The following LDAH variants were observed in gnomAD, a reference collection of about 807,000 sequenced individuals.
LDAH encodes lipid droplet-associated hydrolase.
Under a neutral mutation model 29.6 loss-of-function variants are expected in LDAH, and 26 were observed. The ratio of observed to expected loss-of-function variants is 0.88; its 90% CI spans 0.64 to 1.22. LDAH has a LOEUF of 1.22. LDAH is among the 50% of genes most tolerant of loss of function. The pLI, the probability that LDAH is intolerant of heterozygous loss-of-function variation, is 0.00. For synonymous variants in LDAH, 117 were observed against 133.0 expected (o/e 0.88, Z 0.83); for missense variants, 344 against 387.3 (o/e 0.89, Z 0.94).
chr2:20,685,657 T>G lies in LDAH; in HGVS notation c.*1246A>C. ...AATGATAATGCCATGAGGGATTTCCTCTAGGAGAAAAAGGAATATTTCTGA... is the reference window on the plus strand; with the variant it reads ...AATGATAATGCCATGAGGGATTTCCGCTAGGAGAAAAAGGAATATTTCTGA... On this transcript the variant is annotated 3_prime_UTR_variant, in exon 7 of 7. Transcript: ENST00000237822. 1 of 1,549,334 alleles carries G rather than the reference T, an allele frequency of 6.5e-7. No homozygotes were observed. Among genetic ancestry groups the G allele is most frequent in the Non-Finnish European group, 8.7e-7 (1 of 1,146,686 alleles).
At position 20,742,409 on chromosome 2, in the gene LDAH, C is replaced by T. The variant is rs111349529; in HGVS notation, c.469-2204G>A. 1.2e-3 allele frequency among the ~76,000 whole-genome samples: 187 copies of T among 152,292 alleles called. 1 individual carries two copies. Among genetic ancestry groups the T allele is most frequent in the African/African-American group, 4.3e-3 (177 of 41,562 alleles). ...GATAAAGGGGTGTTGAAATCTCCAACTATGATAGTGGATGCATATATTTAT... is the reference window on the plus strand; with the variant it reads ...GATAAAGGGGTGTTGAAATCTCCAATTATGATAGTGGATGCATATATTTAT... On this transcript the variant is annotated intron_variant, in intron 4 of 6. Transcript: ENST00000237822.
At position 20,747,549 on chromosome 2, in the gene LDAH, C is replaced by A. The variant is rs553822833; in HGVS notation, c.469-7344G>T. Among the ~76,000 whole-genome samples, 218 of 152,192 alleles carry A rather than the reference C, an allele frequency of 1.4e-3. 4 individuals are homozygous for A. The South Asian group carries it at 0.042, about 29-fold the overall frequency. ...GAAGTAATCCTAGTTTAGTTTATCT[C>A]CTCTTCCCATAAGGCCATGTGTTCT... On this transcript the variant is annotated intron_variant, in intron 4 of 6. Coordinates refer to ENST00000237822, the MANE Select transcript of LDAH (RefSeq NM_021925.4).
At chr2:20,782,802 TTTC>T (rs1482698907) in intron 3 of LDAH, among the ~76,000 whole-genome samples, 5 of 152,166 alleles carry the variant, frequency 3.3e-5, no homozygotes, top group Non-Finnish European at 5.9e-5. Flanking sequence ...TTTCTAATAA[TTTC>T]TTGTTTTCAA....
chr2:20,804,761 A>G (rs959331977), intron 1 of LDAH, among the ~76,000 whole-genome samples: 12 of 152,224 alleles, frequency 7.9e-5, no homozygotes, highest in African/African-American at 2.4e-4. Flanking sequence ...TGTTTAACCA[A>G]AAGTCCAAAA....
intron 4 of LDAH, among the ~76,000 whole-genome samples, chr2:20,765,036 C>T (rs1027894540): frequency 4.6e-5 from 7 of 152,010 alleles, no homozygotes; most frequent in African/African-American, 1.4e-4. Context: ...AAAAGGAGAA[C>T]CAAATATGTA....
chr2:20,704,951 A>G (rs1664201974), intron 5 of LDAH, among the ~76,000 whole-genome samples: 2 of 152,206 alleles, frequency 1.3e-5, no homozygotes, highest in Admixed American at 1.3e-4. Flanking sequence ...GTTGCTCTCC[A>G]GGCCTGCTGC....
At chr2:20,764,217 TTAAA>T (rs1287506039) in intron 4 of LDAH, among the ~76,000 whole-genome samples, 2 of 152,198 alleles carry the variant, frequency 1.3e-5, no homozygotes, top group East Asian at 3.8e-4. Flanking sequence ...ACATATATAC[TTAAA>T]TAAATGCATA....
intron 4 of LDAH, among the ~76,000 whole-genome samples, chr2:20,748,280 A>G (rs902037573): frequency 6.6e-6 from 1 of 152,042 alleles, no homozygotes; most frequent in African/African-American, 2.4e-5. Context: ...CTACACTTTA[A>G]TTACCTGAAT....
chr2:20,748,352 T>C lies in LDAH; in HGVS notation c.469-8147A>G, dbSNP rs1247716014. Among the ~76,000 whole-genome samples the C allele has an allele frequency of 2.6e-5, 4 of 152,266 alleles. No homozygotes were observed. The East Asian group carries it at 7.7e-4, about 29-fold the overall frequency. ...TGTCACGGTTGTTAATAATAAGGAATGTTTGCATATTTGCAGAGGTCTTTA... is the reference window on the plus strand; with the variant it reads ...TGTCACGGTTGTTAATAATAAGGAACGTTTGCATATTTGCAGAGGTCTTTA... On this transcript the variant is annotated intron_variant, in intron 4 of 6. Coordinates refer to ENST00000237822, the MANE Select transcript of LDAH (RefSeq NM_021925.4).
At chr2:20,716,035 T>C (rs1349165101) in intron 5 of LDAH, among the ~76,000 whole-genome samples, 1 of 152,112 alleles carries the variant, frequency 6.6e-6, no homozygotes, top group Non-Finnish European at 1.5e-5. Flanking sequence ...AGATACCATC[T>C]CACACTAGTT....
At chr2:20,765,219 G>A (rs1273532304) in intron 4 of LDAH, among the ~76,000 whole-genome samples, 5 of 152,066 alleles carry the variant, frequency 3.3e-5, no homozygotes, top group Admixed American at 2.6e-4. Flanking sequence ...ATCTCTCTAC[G>A]CTTGGGCTGT....
intron 4 of LDAH, among the ~76,000 whole-genome samples, chr2:20,754,674 G>T (rs1668206123): frequency 6.6e-6 from 1 of 152,008 alleles, no homozygotes; most frequent in South Asian, 2.1e-4. Flanking sequence ...CACCTATGAG[G>T]TATTATTTTA....
intron 5 of LDAH, among the ~76,000 whole-genome samples, chr2:20,720,686 C>CA (rs905852230): frequency 4.1e-4 from 63 of 151,826 alleles, no homozygotes; most frequent in African/African-American, 1.4e-3. Context: ...AAGGAAAAAA[C>CA]AAAAACAAAA....
At chr2:20,763,726 G>A (rs1668838703) in intron 4 of LDAH, among the ~76,000 whole-genome samples, 1 of 152,178 alleles carries the variant, frequency 6.6e-6, no homozygotes. Flanking sequence ...CATCTGAGAG[G>A]ATGGGGGAAC....
Position 20,686,858 on chromosome 2 carries a change from A to G in LDAH, c.*45T>C, listed in dbSNP as rs1662595312. On this transcript the variant is annotated 3_prime_UTR_variant, in exon 7 of 7. Transcript: ENST00000237822. ...TTTACCTACTAAGTCTAGTACACTG[A>G]CTGCCTCCATGTACTGGCAGTGGGG... 1 of 1,526,802 alleles carries G rather than the reference A, an allele frequency of 6.5e-7. No homozygotes were observed. Among genetic ancestry groups the G allele is most frequent in the South Asian group, 1.2e-5 (1 of 83,634 alleles). 94.6% of individuals were successfully genotyped at this position (1,526,802 alleles called of 1,614,324 possible).
chr2:20,783,471 G>T (rs1473768742), intron 3 of LDAH, among the ~76,000 whole-genome samples: 2 of 152,096 alleles, frequency 1.3e-5, no homozygotes, highest in Non-Finnish European at 1.5e-5. Flanking sequence ...GACCTTTGTT[G>T]TTAGGTACAT....
At chr2:20,702,476 T>C (rs1037123940) in intron 5 of LDAH, among the ~76,000 whole-genome samples, 1 of 152,208 alleles carries the variant, frequency 6.6e-6, no homozygotes, top group Non-Finnish European at 1.5e-5. Context: ...GGACTAAACA[T>C]ATTCACATAT....
chr2:20,710,590 G>A (rs1392480247), intron 5 of LDAH, among the ~76,000 whole-genome samples: 1 of 131,996 alleles, frequency 7.6e-6, no homozygotes, highest in Non-Finnish European at 1.6e-5. Context: ...ATAGGGGTGT[G>A]TGTGTGTGTG....
intron 6 of LDAH, among the ~76,000 whole-genome samples, chr2:20,692,825 A>C (rs1360614037): frequency 1.3e-5 from 2 of 152,188 alleles, no homozygotes; most frequent in African/African-American, 4.8e-5. Flanking sequence ...AGGCCTGAGC[A>C]GGGTGGTAAA....
Sources: gnomAD v4.1 joint callset for allele counts (sites outside exome capture counted in the v4.1 genomes callset) on GRCh38, gnomAD v4.1.1 for gene constraint, MANE v1.5 for transcripts, NCBI Gene and HGNC (gene_info 2026-07-23, HGNC 2026-07-21) for gene names.